KDM5A: variants seen among roughly 807,000 people sequenced by gnomAD.
KDM5A encodes the protein lysine demethylase 5A.
KDM5A carries 42 observed loss-of-function variants against 193.5 expected under a neutral mutation model. The ratio of observed to expected loss-of-function variants is 0.22; its 90% CI spans 0.17 to 0.28. The LOEUF is 0.28. Ranked by LOEUF, KDM5A falls within the 10% of genes least tolerant of loss-of-function variation. The pLI is 1.00. For synonymous variants in KDM5A, 796 were observed against 718.1 expected, an observed-to-expected ratio of 1.11 and a Z score of -1.73; for missense variants, 1,692 against 2,055.1, an observed-to-expected ratio of 0.82 and a Z score of 3.42.
chr12:285,399 G>T lies in KDM5A; in HGVS notation c.*57C>A. On this transcript the variant is annotated 3_prime_UTR_variant, in exon 28 of 28. Coordinates refer to ENST00000399788, the MANE Select transcript of KDM5A (RefSeq NM_001042603.3). The stretch of plus-strand genomic sequence containing the variant: ...GTGGATATAAACCACTCTACTTGAT[G>T]ACTAAGGTCTCAATGTGGTCCATGT... 2.1e-6 allele frequency: 3 copies of T among 1,445,624 alleles called. No homozygotes were observed. In the South Asian group the frequency reaches 3.4e-5, roughly 17 times the overall value. 89.5% of individuals were successfully genotyped at this position (1,445,624 alleles called of 1,614,324 possible).
chr12:305,525 G>A (rs1416415973), intron 24 of KDM5A, among the ~76,000 whole-genome samples: 2 of 152,142 alleles, frequency 1.3e-5, no homozygotes, highest in Non-Finnish European at 2.9e-5. Flanking sequence ...TGAAGGGGTA[G>A]GAACAGAATC....
At position 292,999 on chromosome 12, in the gene KDM5A, T is replaced by C; in HGVS notation, c.4626A>G (p.Ala1542=). 2 of 1,593,852 alleles carry C rather than the reference T, an allele frequency of 1.3e-6. No individual in the cohort carries two copies. Among genetic ancestry groups the C allele is most frequent in the Non-Finnish European group, 1.7e-6 (2 of 1,175,142 alleles). ...GTTTATTCAGCTCCTTTGATTTGTC[T>C]GCACCTAATTTTAATTTCTTCTTTC... ...KPRKKKLKLG[A]DKSKELNKLA... Residue 1542 remains alanine (A), a synonymous_variant, in exon 27 of 28, where the codon GCA becomes GCG. Coordinates refer to ENST00000399788, the MANE Select transcript of KDM5A (RefSeq NM_001042603.3).
chr12:310,721 C>A (rs1296079479), intron 21 of KDM5A, among the ~76,000 whole-genome samples, 164 bp downstream of exon 21: 1 of 152,158 alleles, frequency 6.6e-6, no homozygotes, highest in African/African-American at 2.4e-5. Flanking sequence ...ACAAGATTAA[C>A]TGGAAATGAA....
chr12:305,974 T>TTTTG (rs1565527982), intron 24 of KDM5A, among the ~76,000 whole-genome samples: 2 of 145,744 alleles, frequency 1.4e-5, no homozygotes, highest in East Asian at 2.1e-4. Context: ...GAAGTGTTTT[T>TTTTG]TTTTTTTTTT....
Position 280,294 on chromosome 12 carries a change from G to T in KDM5A, c.*5162C>A, listed in dbSNP as rs1366844724. 2 of 232,394 alleles carry T rather than the reference G, an allele frequency of 8.6e-6. No individual in the cohort carries two copies. Among genetic ancestry groups the T allele is most frequent in the Admixed American group, 5.6e-5 (1 of 17,708 alleles). 14.4% of individuals were successfully genotyped at this position (232,394 alleles called of 1,614,324 possible). ...AATATTCTGGATCTTCCATTTATTGGTATCAACCACAATAGCAAGACCCCC... is the reference window on the plus strand; with the variant it reads ...AATATTCTGGATCTTCCATTTATTGTTATCAACCACAATAGCAAGACCCCC... On this transcript the variant is annotated 3_prime_UTR_variant, in exon 28 of 28. Transcript: ENST00000399788.
At chr12:321,159 G>C (rs1943711441) in intron 17 of KDM5A, 50 bp from the exon 18 acceptor site, 3 of 1,273,616 alleles carry the variant, frequency 2.4e-6, no homozygotes, top group Non-Finnish European at 3.4e-6. Context: ...CAGTCATTCT[G>C]ATATCAAAAG....
intron 3 of KDM5A, among the ~76,000 whole-genome samples, chr12:367,866 C>CA (rs761564622): frequency 1.2e-3 from 158 of 131,166 alleles, no homozygotes; most frequent in South Asian, 3.9e-3. Context: ...GACCCTGTCT[C>CA]AAAAAAAAAA....
chr12:362,683 A>C (rs1944307051), intron 5 of KDM5A, among the ~76,000 whole-genome samples: 1 of 152,240 alleles, frequency 6.6e-6, no homozygotes, highest in South Asian at 2.1e-4. Context: ...TTTATTCTCC[A>C]TTCATCTCAA....
chr12:383,293 C>T (rs1944597727), intron 3 of KDM5A, among the ~76,000 whole-genome samples: 1 of 151,956 alleles, frequency 6.6e-6, no homozygotes, highest in Admixed American at 6.6e-5. Context: ...CAGCTCACTG[C>T]AGCCTTGACT....
rs1164581944 is a variant in KDM5A, at chr12:306,938, G to GT, written c.4074+7dup. ...GTATGTACCCACACAGCTTGTCCAT[G>GT]TAACTACCTTCATGTCGTAGCCATA... On this transcript the variant is annotated splice_region_variant and intron_variant, in intron 24 of 27. Transcript: ENST00000399788. 2 of 1,610,478 alleles carry GT rather than the reference G, an allele frequency of 1.2e-6. No homozygotes were observed. Among genetic ancestry groups the GT allele is most frequent in the South Asian group, 1.1e-5 (1 of 91,000 alleles).
At chr12:321,338 C>T (rs967596642) in intron 17 of KDM5A, among the ~76,000 whole-genome samples, 1 of 152,222 alleles carries the variant, frequency 6.6e-6, no homozygotes, top group African/African-American at 2.4e-5. Context: ...TTAAACATTT[C>T]AAACATTACA....
intron 3 of KDM5A, among the ~76,000 whole-genome samples, chr12:368,528 C>T (rs1019543988): frequency 3.9e-5 from 6 of 152,038 alleles, no homozygotes; most frequent in Non-Finnish European, 7.4e-5. Flanking sequence ...GTCAGCAGTT[C>T]GAGACCAGCC....
In KDM5A at chr12:365,915, A is replaced by G. The variant is rs1236856106; in HGVS notation, c.537+19T>C. ...AACTGGATTTATCAACTTTTTCTAA[A>G]AAGAATAATGCATCTCACCATAAGG... On this transcript the variant is annotated intron_variant, in intron 4 of 27. Coordinates refer to ENST00000399788, the MANE Select transcript of KDM5A (RefSeq NM_001042603.3). 6.2e-7 allele frequency: 1 copy of G among 1,611,934 alleles called. No homozygotes were observed. The highest frequency in any genetic ancestry group is 1.3e-5 in the African/African-American group (1 of 74,882).
At chr12:297,299 T>C (rs1943385982) in intron 24 of KDM5A, 99 bp from the exon 25 acceptor site, 1 of 935,772 alleles carries the variant, frequency 1.1e-6, no homozygotes, top group African/African-American at 1.6e-5. Context: ...GCTTCTAATA[T>C]ACTAAAAATA....
At chr12:345,755 A>T (rs754197831) in intron 10 of KDM5A, among the ~76,000 whole-genome samples, 2 of 152,244 alleles carry the variant, frequency 1.3e-5, no homozygotes, top group Non-Finnish European at 2.9e-5. Context: ...TCTCTGGGAC[A>T]CATTTAAAGC....
intron 3 of KDM5A, among the ~76,000 whole-genome samples, chr12:368,233 T>C (rs1254347143): frequency 1.3e-5 from 2 of 152,134 alleles, no homozygotes; most frequent in Non-Finnish European, 2.9e-5. Context: ...ACAGAAAGCA[T>C]AATAGAAGTT....
At chr12:300,745 G>T (rs1280393377) in intron 24 of KDM5A, among the ~76,000 whole-genome samples, 1 of 152,156 alleles carries the variant, frequency 6.6e-6, no homozygotes, top group Non-Finnish European at 1.5e-5. Context: ...TCCAGGAGCT[G>T]GTTTTTTGAA....
intron 10 of KDM5A, among the ~76,000 whole-genome samples, chr12:336,043 C>CAA (rs753624871): frequency 0.011 from 467 of 41,830 alleles, 18 homozygotes; most frequent in East Asian, 0.044. Flanking sequence ...TACTTCATCT[C>CAA]AAAAAAAAAA....
intron 10 of KDM5A, among the ~76,000 whole-genome samples, chr12:338,134 C>T (rs1049135037): frequency 1.3e-5 from 2 of 152,134 alleles, no homozygotes; most frequent in African/African-American, 2.4e-5. Flanking sequence ...CTTTGAAAGG[C>T]CTACTAAAAG....
Sources: allele counts gnomAD v4.1 joint callset (sites outside exome capture counted in the v4.1 genomes callset), GRCh38; gene constraint gnomAD v4.1.1; transcripts MANE v1.5; gene names NCBI Gene and HGNC (gene_info 2026-07-23, HGNC 2026-07-21).